Variants in KIF24 observed in about 807,000 individuals in gnomAD.
The protein encoded by KIF24 is kinesin-like protein KIF24.
KIF24 carries 81 observed loss-of-function variants against 118.9 expected under a neutral mutation model. The ratio of observed to expected loss-of-function variants is 0.68; its 90% CI spans 0.57 to 0.82. KIF24 has a LOEUF of 0.82. KIF24 is among the 40% of genes least tolerant of loss of function. KIF24 has a pLI of 0.00. For synonymous variants in KIF24, 599 were observed against 610.0 expected, an observed-to-expected ratio of 0.98 and a Z score of 0.27; for missense variants, 1,560 against 1,661.6, an observed-to-expected ratio of 0.94 and a Z score of 1.06.
At position 34,266,983 on chromosome 9, in the gene KIF24, T is replaced by C. The variant is rs369872117; in HGVS notation, c.1443+2274A>G. Among the ~76,000 whole-genome samples the C allele has an allele frequency of 2.5e-3, 382 of 152,092 alleles. 23 individuals are homozygous for C. The South Asian group carries it at 0.077, about 31-fold the overall frequency. ...CAACAACAATAAAACAAACTCATAT[T>C]ATGTTTAGGTAACATGAACTCCAAC... On this transcript the variant is annotated intron_variant, in intron 8 of 12. Transcript: ENST00000402558.
chr9:34,330,721 G>A (rs1338512608), upstream of KIF24, among the ~76,000 whole-genome samples: 1 of 152,130 alleles, frequency 6.6e-6, no homozygotes, highest in Non-Finnish European at 1.5e-5. Context: ...TAGCCCTTTG[G>A]GAGGCCGAGG....
chr9:34,315,855 C>G (rs764256905), intron 1 of KIF24, among the ~76,000 whole-genome samples: 76 of 151,490 alleles, frequency 5.0e-4, no homozygotes, highest in Non-Finnish European at 2.1e-4. Context: ...ATGGCAAAAC[C>G]CTGTCTCTAC....
intron 4 of KIF24, among the ~76,000 whole-genome samples, chr9:34,293,343 G>T (rs745430663): frequency 6.6e-6 from 1 of 151,918 alleles, no homozygotes; most frequent in Non-Finnish European, 1.5e-5. Flanking sequence ...TGCCAGGTGT[G>T]GTGGCACACG....
chr9:34,262,678 ATATAT>A (rs1835129300), intron 9 of KIF24, among the ~76,000 whole-genome samples: 3 of 17,364 alleles, frequency 1.7e-4, no homozygotes, highest in African/African-American at 5.2e-4. Context: ...AAAAAAAAAT[ATATAT>A]ATATATATAT....
chr9:34,257,102 G>A lies in KIF24; in HGVS notation c.2505C>T (p.His835=). ...GCTTTGTGGCCCTCTGACTAGAGAT[G>A]TGTGAAAAAGAATCTTCACTGAAAT... The part of the protein sequence containing the change: ...DSDFSEDSFS[H]ISSQRATKQR... Residue 835 remains histidine (H), a synonymous_variant, in exon 11 of 13, where the codon CAC becomes CAT. Transcript: ENST00000402558. 1 of 1,614,022 alleles carries A rather than the reference G, an allele frequency of 6.2e-7. No individual in the cohort carries two copies. The highest frequency in any genetic ancestry group is 8.5e-7 in the Non-Finnish European group (1 of 1,179,894).
intron 6 of KIF24, among the ~76,000 whole-genome samples, chr9:34,277,999 GCA>G (rs1835717056): frequency 1.3e-5 from 2 of 152,296 alleles, no homozygotes; most frequent in African/African-American, 4.8e-5. Context: ...TTATGGCCGG[GCA>G]CAGAGGCTCA....
chr9:34,317,369 G>A (rs10758253), intron 1 of KIF24, among the ~76,000 whole-genome samples: 34,187 of 150,956 alleles, frequency 0.23, 4,548 homozygotes, highest in East Asian at 0.61. Flanking sequence ...CAGCCTGGGC[G>A]ACAGAAGGAG....
Position 34,306,323 on chromosome 9 carries a change from C to T in KIF24, c.742G>A (p.Val248Ile), listed in dbSNP as rs765089131. Residue 248 changes from valine to isoleucine, a missense_variant, in exon 3 of 13, where the codon GTA (valine) becomes ATA (isoleucine). Around this residue, in one of 3 missense-constraint regions of KIF24, gnomAD observed 964 missense variants for 988.0 expected, o/e 0.98. Transcript: ENST00000402558. ...ACAAGTAGAGTTTCTTTGTCTTCTACAGTAATAATATTAATTTCTCCACGA... is the reference window on the plus strand; with the variant it reads ...ACAAGTAGAGTTTCTTTGTCTTCTATAGTAATAATATTAATTTCTCCACGA... ...VRRGEINIITVEDKETLLVHE... is the reference protein window; with the variant it reads ...VRRGEINIITIEDKETLLVHE... The T allele has an allele frequency of 1.9e-6, 3 of 1,609,898 alleles. No individual in the cohort carries two copies. Among genetic ancestry groups the T allele is most frequent in the East Asian group, 2.2e-5 (1 of 44,874 alleles).
chr9:34,297,052 C>T lies in KIF24; in HGVS notation c.876G>A (p.Lys292=), dbSNP rs764419491. Residue 292 remains lysine, a synonymous_variant, in exon 4 of 13, where the codon AAG becomes AAA. Transcript: ENST00000402558. The part of the protein sequence containing the change: ...EACTNQDVYM[K]TTHPLIQHIF... ...TATGCTGAATAAGTGGGTGAGTAGT[C>T]TTCATGTATACATCCTGATTGGTGC... The T allele has an allele frequency of 3.1e-6, 5 of 1,595,616 alleles. No individual in the cohort carries two copies. The highest frequency in any genetic ancestry group is 1.1e-5 in the South Asian group (1 of 88,428).
chr9:34,283,385 T>TA (rs537139796), intron 6 of KIF24, among the ~76,000 whole-genome samples: 85 of 151,436 alleles, frequency 5.6e-4, no homozygotes, highest in Admixed American at 9.9e-4. Flanking sequence ...AAATAAAAAA[T>TA]AAAAAAAGAA....
At chr9:34,315,893 G>T (rs1201162496) in intron 1 of KIF24, among the ~76,000 whole-genome samples, 1 of 152,060 alleles carries the variant, frequency 6.6e-6, no homozygotes, top group Non-Finnish European at 1.5e-5. Context: ...GTCAGGCATG[G>T]TGGTGTGCGC....
In KIF24 at chr9:34,257,384, C is replaced by T. The variant is rs942377452; in HGVS notation, c.2223G>A (p.Thr741=). The T allele has an allele frequency of 6.8e-6, 11 of 1,613,938 alleles. 1 individual carries two copies. Among genetic ancestry groups the T allele is most frequent in the South Asian group, 4.4e-5 (4 of 91,086 alleles). Residue 741 remains threonine, a synonymous_variant, in exon 11 of 13, where the codon ACG becomes ACA. Coordinates refer to ENST00000402558, the MANE Select transcript of KIF24 (RefSeq NM_194313.4). ...AEYSQDSQRG[T]PARPASEAWT... is the part of the protein sequence containing the mutation. ...AAGCTTCAGAGGCAGGCCTAGCAGG[C>T]GTGCCCCTCTGGCTGTCTTGACTGT... is the stretch of plus-strand genomic sequence containing the variant.
At chr9:34,323,231 T>C (rs561280620) in intron 1 of KIF24, among the ~76,000 whole-genome samples, 1 of 152,342 alleles carries the variant, frequency 6.6e-6, no homozygotes, top group East Asian at 1.9e-4. Context: ...AAAAGTAGTT[T>C]TCAAGAAATT....
At position 34,318,929 on chromosome 9, in the gene KIF24, T is replaced by G; in HGVS notation, c.-25-7558A>C. The G allele has an allele frequency of 6.4e-7, 1 of 1,561,108 alleles. No homozygotes were observed. Among genetic ancestry groups the G allele is most frequent in the Non-Finnish European group, 8.8e-7 (1 of 1,138,006 alleles). On this transcript the variant is annotated intron_variant, in intron 1 of 12. Coordinates refer to ENST00000402558, the MANE Select transcript of KIF24 (RefSeq NM_194313.4). The surrounding 1 kb of genome is among the most constrained non-coding windows in gnomAD (Gnocchi z 4.9). ...CAGTGCGCTGCAGTCCATCCACGAGTGGGCCGTGCAGACCACCGACGGCAA... is the reference window on the plus strand; with the variant it reads ...CAGTGCGCTGCAGTCCATCCACGAGGGGGCCGTGCAGACCACCGACGGCAA...
Position 34,318,947 on chromosome 9 carries a change from G to A in KIF24, c.-25-7576C>T, listed in dbSNP as rs1837422795. On this transcript the variant is annotated intron_variant, in intron 1 of 12. Coordinates refer to ENST00000402558, the MANE Select transcript of KIF24 (RefSeq NM_194313.4). This position sits in a 1 kb window ranked among gnomAD's most constrained non-coding sequence, Gnocchi z 4.9. ...CCACGAGTGGGCCGTGCAGACCACC[G>A]ACGGCAAGCTGCCCAAGGTCACCAA... 4 of 1,507,094 alleles carry A rather than the reference G, an allele frequency of 2.7e-6. No homozygotes were observed. The highest frequency in any genetic ancestry group is 2.8e-6 in the Non-Finnish European group (3 of 1,089,016). The allele number at this position is 1,507,094 out of a possible 1,614,324, so 93.4% of individuals were successfully genotyped here.
At chr9:34,264,104 C>T (rs1019988390) in intron 8 of KIF24, among the ~76,000 whole-genome samples, 1 of 151,790 alleles carries the variant, frequency 6.6e-6, no homozygotes, top group Admixed American at 6.6e-5. Flanking sequence ...CTGAGTGATG[C>T]ATCTAGGCTA....
chr9:34,288,567 T>C (rs1236277924), intron 5 of KIF24, among the ~76,000 whole-genome samples: 1 of 151,628 alleles, frequency 6.6e-6, no homozygotes, highest in Non-Finnish European at 1.5e-5. Flanking sequence ...GACCAGAACA[T>C]TTCAGAAGCC....
At chr9:34,267,458 A>G (rs1452845924) in intron 8 of KIF24, among the ~76,000 whole-genome samples, 1 of 152,122 alleles carries the variant, frequency 6.6e-6, no homozygotes, top group Non-Finnish European at 1.5e-5. Context: ...TTGCCAAAAA[A>G]TATAGAACCT....
chr9:34,271,889 A>G lies in KIF24; in HGVS notation c.1257T>C (p.Thr419=), dbSNP rs770154755. 4.4e-6 allele frequency: 7 copies of G among 1,607,492 alleles called. No individual in the cohort carries two copies. The South Asian group carries it at 7.8e-5, about 18-fold the overall frequency. ...AGCGGGAGGAGTCTGCATTAACTCC[A>G]GTGGCCCCAGTGCTGCGCTCCTTGC... ...KGSKERSTGA[T]GVNADSSRSH... The change falls in exon 7 of 13, where the codon ACT becomes ACC. Residue 419 remains threonine (T), a synonymous_variant. Coordinates refer to ENST00000402558, the MANE Select transcript of KIF24 (RefSeq NM_194313.4).
Sources: gnomAD v4.1 joint callset for allele counts (sites outside exome capture counted in the v4.1 genomes callset) on GRCh38, gnomAD v4.1.1 for gene constraint, gnomAD v4.1.1 regional missense constraint, Gnocchi (gnomAD v3.1) non-coding constraint, MANE v1.5 for transcripts, NCBI Gene and HGNC (gene_info 2026-07-23, HGNC 2026-07-21) for gene names.